Variants in PIGB observed in about 807,000 individuals in gnomAD.
PIGB encodes GPI alpha-1,2-mannosyltransferase 3.
In PIGB, 58 loss-of-function variants were observed where a neutral mutation model predicts 68.4. That is an observed-to-expected ratio of 0.85 (90% CI 0.69 to 1.06). PIGB has a LOEUF of 1.06. Ranked by LOEUF, PIGB falls within the 50% of genes least tolerant of loss-of-function variation. The pLI, the probability that PIGB is intolerant of heterozygous loss-of-function variation, is 0.00. For synonymous variants in PIGB, 219 were observed against 220.5 expected (o/e 0.99, Z 0.06); for missense variants, 634 against 655.8 (o/e 0.97, Z 0.36).
chr15:55,322,111 T>C (rs1466284005), intron 3 of PIGB, among the ~76,000 whole-genome samples: 1 of 151,314 alleles, frequency 6.6e-6, no homozygotes, highest in East Asian at 2.0e-4. Context: ...GAGGTGGAGG[T>C]TGCGGTGAGC....
At chr15:55,337,995 T>C (rs2055575991) in intron 6 of PIGB, among the ~76,000 whole-genome samples, 1 of 152,156 alleles carries the variant, frequency 6.6e-6, no homozygotes, top group Non-Finnish European at 1.5e-5. Context: ...AGGATAGTGG[T>C]TACCTTTGGG....
At chr15:55,319,460 GGAAC>G in intron 1 of PIGB, 47 bp downstream of exon 1, 1 of 1,454,656 alleles carries the variant, frequency 6.9e-7, no homozygotes, top group South Asian at 1.3e-5. Context: ...CCATCTAAAA[GGAAC>G]CCCCTCCATT....
At position 55,354,961 on chromosome 15, in the gene PIGB, T is replaced by G; in HGVS notation, c.1501T>G (p.Phe501Val). The G allele has an allele frequency of 6.2e-7, 1 of 1,611,386 alleles. No individual in the cohort carries two copies. The change falls in exon 11 of 12, where the codon TTC becomes GTC. Residue 501 changes from phenylalanine to valine, a missense_variant. Physicochemically the swap from Phe to Val is conservative, Grantham distance 50 (BLOSUM62 -1). Transcript: ENST00000164305. ...DASLPTHLIT[F>V]SILEEEISAF... Reference sequence around the variant, plus strand: ...ATCATTGCCTACTCACTTGATCACCTTCAGCATTTTGGAAGAGGTAAGTAA... The same window carrying G: ...ATCATTGCCTACTCACTTGATCACCGTCAGCATTTTGGAAGAGGTAAGTAA...
chr15:55,348,949 A>G (rs60561373), intron 9 of PIGB, among the ~76,000 whole-genome samples: 27,717 of 151,980 alleles, frequency 0.18, 4,414 homozygotes, highest in African/African-American at 0.44. Context: ...TTAGAATCCT[A>G]TTTTTTAATT....
At chr15:55,337,580 C>T (rs1362355125) in intron 6 of PIGB, among the ~76,000 whole-genome samples, 1 of 152,176 alleles carries the variant, frequency 6.6e-6, no homozygotes, top group Non-Finnish European at 1.5e-5. Flanking sequence ...CTCCCACCCC[C>T]GCAACCTGTT....
intron 5 of PIGB, among the ~76,000 whole-genome samples, chr15:55,331,814 G>T (rs994558919): frequency 6.6e-6 from 1 of 152,186 alleles, no homozygotes; most frequent in South Asian, 2.1e-4. Flanking sequence ...AAAGCGTTGG[G>T]ATTACAGGCA....
chr15:55,331,955 CTT>C lies in PIGB; in HGVS notation c.654-1911_654-1910del, dbSNP rs2055425688. ...CTTCATGACAATACCATGGTTCAAA[CTT>C]AGCCTACATTTCTCATTTTTATTTT... On this transcript the variant is annotated intron_variant, in intron 5 of 11. Coordinates refer to ENST00000164305, the MANE Select transcript of PIGB (RefSeq NM_004855.5). 2.6e-5 allele frequency among the ~76,000 whole-genome samples: 4 copies of C among 152,090 alleles called. No individual in the cohort carries two copies. In the East Asian group the frequency reaches 7.7e-4, roughly 29 times the overall value.
chr15:55,354,731 T>C, intron 10 of PIGB, 67 bp from the exon 11 acceptor site: 1 of 1,240,240 alleles, frequency 8.1e-7, no homozygotes, highest in South Asian at 1.5e-5. Context: ...ATAAATGACA[T>C]ATCTTAAGAC....
chr15:55,354,979 GT>G lies in PIGB; in HGVS notation c.1518+2del. 1 of 1,604,824 alleles carries G rather than the reference GT, an allele frequency of 6.2e-7. No individual in the cohort carries two copies. Among genetic ancestry groups the G allele is most frequent in the Non-Finnish European group, 8.5e-7 (1 of 1,175,940 alleles). On this transcript the variant is annotated splice_donor_variant, in intron 11 of 11. Coordinates refer to ENST00000164305, the MANE Select transcript of PIGB (RefSeq NM_004855.5). LOFTEE classifies it high-confidence loss of function. ...GATCACCTTCAGCATTTTGGAAGAG[GT>G]AAGTAAACATGAAAAAGAGGAAAAC... is the stretch of plus-strand genomic sequence containing the variant.
At chr15:55,330,286 A>G (rs1195124920) in intron 5 of PIGB, among the ~76,000 whole-genome samples, 2 of 152,046 alleles carry the variant, frequency 1.3e-5, no homozygotes, top group Non-Finnish European at 2.9e-5. Context: ...TCCTGACCCA[A>G]CTCTTCTGCC....
chr15:55,339,221 T>C, intron 6 of PIGB, 46 bp from the exon 7 acceptor site: 2 of 1,424,320 alleles, frequency 1.4e-6, no homozygotes, highest in East Asian at 2.5e-5. Context: ...TAGTGGATTT[T>C]CAGCAAGCTC....
At chr15:55,336,359 A>T (rs961292956) in intron 6 of PIGB, among the ~76,000 whole-genome samples, 1 of 152,188 alleles carries the variant, frequency 6.6e-6, no homozygotes, top group Non-Finnish European at 1.5e-5. Flanking sequence ...ACTGCACTCC[A>T]GCCTGGGAAA....
At chr15:55,325,134 TG>T (rs1302029130) in intron 3 of PIGB, among the ~76,000 whole-genome samples, 3 of 151,996 alleles carry the variant, frequency 2.0e-5, no homozygotes, top group Admixed American at 6.6e-5. Context: ...CGAGACTAGC[TG>T]GCCAACATGG....
rs547779256 is a variant in PIGB at position 55,354,869 on chromosome 15, T to C, written c.1409T>C (p.Leu470Pro). 2 of 1,613,814 alleles carry C rather than the reference T, an allele frequency of 1.2e-6. No homozygotes were observed. The highest frequency in any genetic ancestry group is 1.1e-5 in the South Asian group (1 of 91,042). The change falls in exon 11 of 12, where the codon CTT (leucine) becomes CCT (proline). Residue 470 changes from leucine to proline, a missense_variant. By Grantham distance (98) the Leu-to-Pro change is moderately conservative (BLOSUM62 -3). Transcript: ENST00000164305. ...PPDLTGKSHY[L>P]DEADVFYLNP... ...GACCTGACTGGAAAAAGTCATTATC[T>C]TGATGAAGCAGATGTATTTTACCTA...
intron 10 of PIGB, among the ~76,000 whole-genome samples, chr15:55,351,291 TAG>T (rs2141219841): frequency 6.6e-6 from 1 of 151,772 alleles, no homozygotes; most frequent in African/African-American, 2.4e-5. Context: ...CTATTTTTAG[TAG>T]AGATGGGGTT....
chr15:55,321,369 G>T lies in PIGB; in HGVS notation c.396G>T (p.Gly132=), dbSNP rs184913940. 1 of 1,601,772 alleles carries T rather than the reference G, an allele frequency of 6.2e-7. No homozygotes were observed. The highest frequency in any genetic ancestry group is 8.5e-7 in the Non-Finnish European group (1 of 1,172,866). Residue 132 remains glycine (G), a synonymous_variant, in exon 3 of 12, where the codon GGG becomes GGT. Coordinates refer to ENST00000164305, the MANE Select transcript of PIGB (RefSeq NM_004855.5). The part of the protein sequence containing the change: ...ASIYKILHLL[G]KDSVQLLIWI... ...TTTACAAGATTCTTCATCTTTTAGG[G>T]AAAGATAGTGTTCAGTTGCTGGTAA...
chr15:55,328,870 G>A (rs2055349555), intron 4 of PIGB, among the ~76,000 whole-genome samples: 1 of 152,150 alleles, frequency 6.6e-6, no homozygotes, highest in Non-Finnish European at 1.5e-5. Context: ...GGAGGCTAAG[G>A]CAGGAGAATT....
intron 9 of PIGB, among the ~76,000 whole-genome samples, chr15:55,347,936 A>G (rs923430430): frequency 4.9e-5 from 7 of 142,902 alleles, no homozygotes; most frequent in Non-Finnish European, 1.1e-4. Flanking sequence ...AAGTATTCCC[A>G]TTTTGTGTCA....
intron 3 of PIGB, 110 bp downstream of exon 3, chr15:55,321,500 C>T (rs2055162371): frequency 2.6e-6 from 2 of 775,298 alleles, no homozygotes; most frequent in Middle Eastern, 2.7e-4. Context: ...ATACTACAGA[C>T]ATACTGTGAT....
Sources: gnomAD v4.1 joint callset for allele counts (sites outside exome capture counted in the v4.1 genomes callset) on GRCh38, gnomAD v4.1.1 for gene constraint, MANE v1.5 for transcripts, NCBI Gene and HGNC (gene_info 2026-07-23, HGNC 2026-07-21) for gene names.